TRAPPC3L: variants seen among roughly 807,000 people sequenced by gnomAD.
TRAPPC3L encodes the protein trafficking protein particle complex subunit 3L, also known as trafficking protein particle complex subunit 3-like protein.
TRAPPC3L carries 23 observed loss-of-function variants against 23.7 expected under a neutral mutation model. The ratio of observed to expected loss-of-function variants is 0.97; its 90% confidence interval spans 0.70 to 1.37. The LOEUF is 1.37. TRAPPC3L is among the 40% of genes most tolerant of loss of function. The pLI is 0.00. For synonymous variants in TRAPPC3L, 81 were observed against 77.9 expected (o/e 1.04, Z -0.21); for missense variants, 212 against 216.8 (o/e 0.98, Z 0.14).
chr6:116,522,344 A>C (rs1772361113), intron 3 of TRAPPC3L: 1 of 152,238 alleles, frequency 6.6e-6, no homozygotes. Flanking sequence ...TTGTGGCTTT[A>C]AGCCACTGAA....
chr6:116,507,262 A>T (rs1364576999), intron 3 of TRAPPC3L, among the ~76,000 whole-genome samples: 1 of 152,170 alleles, frequency 6.6e-6, no homozygotes, highest in Non-Finnish European at 1.5e-5. Context: ...CCCAGGACAC[A>T]TTTGCCACAA....
chr6:116,524,106 A>G (rs1390695838), intron 3 of TRAPPC3L: 46 of 152,146 alleles, frequency 3.0e-4, no homozygotes, highest in Admixed American at 3.0e-3. Flanking sequence ...TCAGTTAGAG[A>G]TGTATATTTA....
At chr6:116,533,336 G>A (rs1241171429) in intron 3 of TRAPPC3L, among the ~76,000 whole-genome samples, 1 of 152,210 alleles carries the variant, frequency 6.6e-6, no homozygotes, top group Non-Finnish European at 1.5e-5. Context: ...TTAACAAAAA[G>A]TCTTTATTTC....
chr6:116,540,670 C>A (rs1409577294), intron 2 of TRAPPC3L, among the ~76,000 whole-genome samples: 1 of 152,074 alleles, frequency 6.6e-6, no homozygotes, highest in Non-Finnish European at 1.5e-5. Context: ...GAAATATTAA[C>A]TGGTCTCCTG....
chr6:116,512,217 C>A (rs757396231), intron 3 of TRAPPC3L: 7 of 1,599,550 alleles, frequency 4.4e-6, no homozygotes, highest in Non-Finnish European at 5.1e-6. Context: ...CTGAAACTCT[C>A]CCTTCAGGCC....
chr6:116,499,606 G>A (rs914869839), intron 4 of TRAPPC3L, among the ~76,000 whole-genome samples: 1 of 152,076 alleles, frequency 6.6e-6, no homozygotes, highest in Non-Finnish European at 1.5e-5. Context: ...CAGTCATACT[G>A]AACTAATTCA....
At chr6:116,514,434 G>A (rs1040809105) in intron 3 of TRAPPC3L, among the ~76,000 whole-genome samples, 18 of 152,302 alleles carry the variant, frequency 1.2e-4, no homozygotes, top group Admixed American at 1.2e-3. Context: ...TATGAGTTCA[G>A]TAACACATTT....
chr6:116,545,131 A>G (rs896250964), intron 1 of TRAPPC3L, among the ~76,000 whole-genome samples: 1 of 150,942 alleles, frequency 6.6e-6, no homozygotes, highest in African/African-American at 2.4e-5. Flanking sequence ...ACATACATAT[A>G]TATACATATA....
chr6:116,527,742 C>A (rs1772488626), intron 3 of TRAPPC3L, among the ~76,000 whole-genome samples: 1 of 152,138 alleles, frequency 6.6e-6, no homozygotes, highest in African/African-American at 2.4e-5. Flanking sequence ...CAATAATCTT[C>A]AATGCAAAGG....
chr6:116,504,500 G>A (rs1170595807), intron 3 of TRAPPC3L, among the ~76,000 whole-genome samples: 1 of 152,178 alleles, frequency 6.6e-6, no homozygotes, highest in Non-Finnish European at 1.5e-5. Context: ...CCAATCAACA[G>A]AAAAAGAGGG....
intron 1 of TRAPPC3L, among the ~76,000 whole-genome samples, chr6:116,545,100 T>TAC (rs1043968867): frequency 3.7e-4 from 56 of 150,614 alleles, no homozygotes; most frequent in African/African-American, 1.4e-3. Flanking sequence ...ACTATATATA[T>TAC]ACACACATAT....
intron 3 of TRAPPC3L, among the ~76,000 whole-genome samples, chr6:116,533,626 G>A (rs948558316): frequency 1.6e-4 from 25 of 152,220 alleles, no homozygotes; most frequent in African/African-American, 5.5e-4. Context: ...CTGGTTGTCA[G>A]ATTATTGCCT....
intron 2 of TRAPPC3L, among the ~76,000 whole-genome samples, chr6:116,542,898 G>A (rs756204663): frequency 6.6e-6 from 1 of 152,036 alleles, no homozygotes; most frequent in Non-Finnish European, 1.5e-5. Flanking sequence ...TTCAATAGAT[G>A]GTCTGTGGTT....
At chr6:116,512,191 T>A (rs761308002) in intron 3 of TRAPPC3L, 14 of 1,608,500 alleles carry the variant, frequency 8.7e-6, no homozygotes, top group Non-Finnish European at 8.5e-6. Flanking sequence ...GCATGCTACC[T>A]ACCGTCAATG....
chr6:116,501,818 A>G (rs1473211979), intron 3 of TRAPPC3L, among the ~76,000 whole-genome samples: 1 of 152,208 alleles, frequency 6.6e-6, no homozygotes, highest in Non-Finnish European at 1.5e-5. Context: ...AACAGAAAGG[A>G]ATAGCATCAA....
At position 116,497,087 on chromosome 6, in the gene TRAPPC3L, A is replaced by T; in HGVS notation, c.427-14T>A. 6.5e-7 allele frequency: 1 copy of T among 1,536,736 alleles called. No homozygotes were observed. The highest frequency in any genetic ancestry group is 8.7e-7 in the Non-Finnish European group (1 of 1,142,998). Reference sequence around the variant, plus strand: ...CGCCAAATGAACCTAGGAAAGAAGAAAAAAACAGGCCTGTGTCATTCAATT... The same window carrying T: ...CGCCAAATGAACCTAGGAAAGAAGATAAAAACAGGCCTGTGTCATTCAATT... On this transcript the variant is annotated splice_polypyrimidine_tract_variant and intron_variant, in intron 4 of 4. Coordinates refer to ENST00000368602, the MANE Select transcript of TRAPPC3L (RefSeq NM_001139444.3).
At chr6:116,541,054 A>G (rs956162316) in intron 2 of TRAPPC3L, among the ~76,000 whole-genome samples, 2 of 152,280 alleles carry the variant, frequency 1.3e-5, no homozygotes, top group Non-Finnish European at 2.9e-5. Context: ...TTCCAGGGAA[A>G]CAAACTATGG....
chr6:116,511,585 A>AG, intron 3 of TRAPPC3L: 1 of 931,906 alleles, frequency 1.1e-6, no homozygotes, highest in South Asian at 1.6e-5. Flanking sequence ...GGCTCAATTC[A>AG]GTCTGAGAAG....
At chr6:116,516,054 T>A in intron 3 of TRAPPC3L, 1 of 1,500,778 alleles carries the variant, frequency 6.7e-7, no homozygotes, top group East Asian at 2.3e-5. Flanking sequence ...TCCTAACGTA[T>A]CACCAGCAAC....
Sources: allele counts gnomAD v4.1 joint callset (sites outside exome capture counted in the v4.1 genomes callset), GRCh38; gene constraint gnomAD v4.1.1; transcripts MANE v1.5; gene names NCBI Gene and HGNC (gene_info 2026-07-23, HGNC 2026-07-21).